PADI6: variants seen among roughly 807,000 people sequenced by gnomAD.
PADI6 encodes the protein peptidyl arginine deiminase 6.
In PADI6, 66 loss-of-function variants were observed where a neutral mutation model predicts 78.2. The observed-to-expected ratio is 0.84, with a 90% CI of 0.69 to 1.04. The LOEUF (loss-of-function observed/expected upper bound fraction) is 1.04. Ranked by LOEUF, PADI6 falls within the 50% of genes least tolerant of loss-of-function variation. PADI6 has a pLI of 0.00. For missense variants in PADI6, 854 were observed against 866.1 expected, an observed-to-expected ratio of 0.99 and a Z score of 0.18; for synonymous variants, 397 against 346.9, an observed-to-expected ratio of 1.14 and a Z score of -1.60.
chr1:17,388,684 C>G, intron 7 of PADI6, 93 bp from the exon 8 acceptor site: 1 of 1,465,790 alleles, frequency 6.8e-7, no homozygotes, highest in Non-Finnish European at 9.3e-7. Context: ...TGGGGCCCAG[C>G]TGGGGGCCGG....
At chr1:17,379,889 G>T (rs762100682) in intron 3 of PADI6, 31 bp from the exon 4 acceptor site, 24 of 1,606,592 alleles carry the variant, frequency 1.5e-5, no homozygotes, top group Non-Finnish European at 2.0e-5. Context: ...GCAGGTCAAG[G>T]TGGCTGGGAC....
rs753838285 is a variant in PADI6, at chr1:17,381,172, C to T, written c.553+8C>T. 3.2e-6 allele frequency: 5 copies of T among 1,576,034 alleles called. No individual in the cohort carries two copies. In the East Asian group the frequency reaches 1.2e-4, roughly 36 times the overall value. ...AAGTGATCTTTTCAGAGGGTAGGAC[C>T]TCAGACTGTCTCTGCCTTTCCTTCT... On this transcript the variant is annotated splice_region_variant and intron_variant, in intron 5 of 15. Transcript: ENST00000619609.
Position 17,394,396 on chromosome 1 carries a change from G to GT in PADI6, c.1280dup (p.Gln428ProfsTer27), listed in dbSNP as rs1383128050. The GT allele has an allele frequency of 3.1e-6, 5 of 1,613,686 alleles. No individual in the cohort carries two copies. Among genetic ancestry groups the GT allele is most frequent in the Non-Finnish European group, 4.2e-6 (5 of 1,179,856 alleles). On this transcript the variant is annotated frameshift_variant, in exon 11 of 16. Coordinates refer to ENST00000619609, the MANE Select transcript of PADI6 (RefSeq NM_207421.4). LOFTEE classifies it high-confidence loss of function. ...CCTGATGGTGTCCCCACCTGTCAAG[G>GT]TCCAAGGGAAAGAGTACCCGCTGGG...
At chr1:17,394,227 G>A in intron 10 of PADI6, 73 bp from the exon 11 acceptor site, 1 of 1,583,800 alleles carries the variant, frequency 6.3e-7, no homozygotes, top group Non-Finnish European at 8.6e-7. Flanking sequence ...TGAGAGCCTG[G>A]ATTTAGGGAT....
chr1:17,385,619 G>A (rs1287806702), intron 6 of PADI6, among the ~76,000 whole-genome samples: 1 of 152,114 alleles, frequency 6.6e-6, no homozygotes, highest in African/African-American at 2.4e-5. Context: ...AAATAAGGTC[G>A]TCGAAGAGAG....
chr1:17,392,068 G>T, intron 8 of PADI6, 46 bp from the exon 9 acceptor site: 1 of 1,485,498 alleles, frequency 6.7e-7, no homozygotes, highest in South Asian at 1.2e-5. Flanking sequence ...TAACCAGTAA[G>T]GGACCTTCGA....
intron 8 of PADI6, 137 bp downstream of exon 8, chr1:17,389,017 T>C (rs922755931): frequency 1.3e-5 from 9 of 671,230 alleles, no homozygotes; most frequent in South Asian, 1.9e-5. Flanking sequence ...CTGAGCTGTC[T>C]GGACCTGCCC....
intron 4 of PADI6, 97 bp from the exon 5 acceptor site, chr1:17,380,950 G>GA (rs1188211096): frequency 5.9e-6 from 6 of 1,011,908 alleles, no homozygotes; most frequent in Non-Finnish European, 8.8e-6. Context: ...GTACCCTGGA[G>GA]AAAGGCTTGG....
At position 17,401,249 on chromosome 1, in the gene PADI6, T is replaced by C; in HGVS notation, c.1896T>C (p.Pro632=). ...VMGKNLGIPK[P]FGPQIKGTCC... is the part of the protein sequence containing the mutation. ...GCAAGAACCTGGGGATCCCCAAGCC[T>C]TTTGGGCCCCAAATCAAGGGGACCT... The change falls in exon 16 of 16, where the codon CCT becomes CCC. Residue 632 remains proline (P), a synonymous_variant. Coordinates refer to ENST00000619609, the MANE Select transcript of PADI6 (RefSeq NM_207421.4). 1 of 1,614,048 alleles carries C rather than the reference T, an allele frequency of 6.2e-7. No homozygotes were observed. The highest frequency in any genetic ancestry group is 8.5e-7 in the Non-Finnish European group (1 of 1,179,896).
intron 1 of PADI6, 98 bp from the exon 2 acceptor site, chr1:17,372,958 A>C (rs1263924630): frequency 7.9e-7 from 1 of 1,258,974 alleles, no homozygotes; most frequent in African/African-American, 1.5e-5. Flanking sequence ...CCCTAAGGAG[A>C]ATGAGGATTC....
intron 8 of PADI6, 30 bp downstream of exon 8, chr1:17,388,910 G>A (rs777837885): frequency 2.6e-6 from 4 of 1,567,346 alleles, no homozygotes; most frequent in Non-Finnish European, 3.5e-6. Flanking sequence ...ACTGTGCCAG[G>A]CGGTTCTCAT....
Position 17,398,682 on chromosome 1 carries a change from A to ACCCCCCCCCCCCCCCCCCC in PADI6, c.1690-3_1690-2insCCCCCCCCCCCCCCCCCCC. The ACCCCCCCCCCCCCCCCCCC allele has an allele frequency of 8.7e-6, 1 of 114,340 alleles. No homozygotes were observed. Among genetic ancestry groups the ACCCCCCCCCCCCCCCCCCC allele is most frequent in the Non-Finnish European group, 1.3e-5 (1 of 78,718 alleles). 7.1% of individuals were successfully genotyped at this position (114,340 alleles called of 1,614,324 possible). ...CCCCCCCCCACCCACCCACCCACCC[A>ACCCCCCCCCCCCCCCCCCC]CAGAAGTGCATTCACCTGAACCGTG... On this transcript the variant is annotated splice_polypyrimidine_tract_variant and splice_region_variant and intron_variant, in intron 14 of 15. Transcript: ENST00000619609.
At position 17,381,950 on chromosome 1, in the gene PADI6, C is replaced by T. The variant is rs774012598; in HGVS notation, c.554-17C>T. 4.3e-6 allele frequency: 7 copies of T among 1,613,342 alleles called. No homozygotes were observed. The highest frequency in any genetic ancestry group is 4.0e-5 in the African/African-American group (3 of 74,926). On this transcript the variant is annotated splice_polypyrimidine_tract_variant and intron_variant, in intron 5 of 15. Transcript: ENST00000619609. ...GCCTCCAGACATTCCTTAACCTTTG[C>T]TTTGTCTTTTGCCCAGAAATAACGA...
intron 15 of PADI6, among the ~76,000 whole-genome samples, chr1:17,399,822 G>T (rs973998477): frequency 2.0e-5 from 3 of 152,012 alleles, no homozygotes; most frequent in African/African-American, 7.2e-5. Flanking sequence ...TGGATCACTT[G>T]AAGTCTGAAG....
Position 17,392,267 on chromosome 1 carries a change from G to A in PADI6, c.1074+42G>A. 5 of 1,441,492 alleles carry A rather than the reference G, an allele frequency of 3.5e-6. No homozygotes were observed. The South Asian group carries it at 6.1e-5, about 18-fold the overall frequency. The allele number at this position is 1,441,492 out of a possible 1,614,324, so 89.3% of individuals were successfully genotyped here. ...GAACCCACCTGTCGGGGAGGGGTGGGGAGACTCAGCATGTGCCACCTAAGA... is the reference window on the plus strand; with the variant it reads ...GAACCCACCTGTCGGGGAGGGGTGGAGAGACTCAGCATGTGCCACCTAAGA... On this transcript the variant is annotated intron_variant, in intron 9 of 15. Coordinates refer to ENST00000619609, the MANE Select transcript of PADI6 (RefSeq NM_207421.4).
chr1:17,395,297 G>A (rs973839415), intron 12 of PADI6, among the ~76,000 whole-genome samples, 190 bp downstream of exon 12: 4 of 151,254 alleles, frequency 2.6e-5, no homozygotes, highest in Admixed American at 6.6e-5. Flanking sequence ...ACTGCCTCCC[G>A]GACTCAAGCA....
At chr1:17,381,266 A>G in intron 5 of PADI6, 102 bp downstream of exon 5, 1 of 909,020 alleles carries the variant, frequency 1.1e-6, no homozygotes, top group Non-Finnish European at 1.7e-6. Context: ...CACCCCCGAC[A>G]CCCTCTTCCC....
rs1355310299 is a variant in PADI6, at chr1:17,375,512, C to T, written c.367+13C>T. The T allele has an allele frequency of 1.9e-6, 3 of 1,595,238 alleles. No homozygotes were observed. Among genetic ancestry groups the T allele is most frequent in the South Asian group, 2.3e-5 (2 of 88,284 alleles). On this transcript the variant is annotated intron_variant, in intron 3 of 15. Transcript: ENST00000619609. ...CTCACTGGCATTGGTGAGTGTTGCTCCAACTGGGAGCCTGGGGCCCAACTC... is the reference window on the plus strand; with the variant it reads ...CTCACTGGCATTGGTGAGTGTTGCTTCAACTGGGAGCCTGGGGCCCAACTC...
chr1:17,382,838 T>A (rs1226161422), intron 6 of PADI6, among the ~76,000 whole-genome samples: 1 of 152,138 alleles, frequency 6.6e-6, no homozygotes, highest in Non-Finnish European at 1.5e-5. Context: ...CAGGCTGGAG[T>A]GCAGTAGTGT....
Sources: gnomAD v4.1 joint callset for allele counts (sites outside exome capture counted in the v4.1 genomes callset) on GRCh38, gnomAD v4.1.1 for gene constraint, MANE v1.5 for transcripts, NCBI Gene and HGNC (gene_info 2026-07-23, HGNC 2026-07-21) for gene names.